Variants in DENND2B observed in about 807,000 individuals in gnomAD.
DENND2B encodes the protein DENN domain containing 2B, also known as DENN domain-containing protein 2B.
A neutral mutation model predicts 116.0 loss-of-function variants in DENND2B; 32 were observed. The ratio of observed to expected loss-of-function variants is 0.28; its 90% CI spans 0.21 to 0.37. DENND2B has a LOEUF of 0.37. Ranked by LOEUF, DENND2B falls within the 10% of genes least tolerant of loss-of-function variation. DENND2B has a pLI of 1.00. For missense variants in DENND2B, 1,276 were observed against 1,477.7 expected (o/e 0.86, Z 2.24); for synonymous variants, 588 against 583.9 (o/e 1.01, Z -0.10).
intron 6 of DENND2B, 69 bp from the exon 7 acceptor site, chr11:8,714,775 T>G: frequency 1.8e-5 from 24 of 1,330,506 alleles, no homozygotes; most frequent in Non-Finnish European, 2.6e-5. Context: ...GAAGGCTGAG[T>G]AGGAGCCCAT....
chr11:8,754,158 AT>A (rs2053191617), intron 1 of DENND2B, among the ~76,000 whole-genome samples: 1 of 152,202 alleles, frequency 6.6e-6, no homozygotes, highest in Admixed American at 6.6e-5. Context: ...AATGGGAGAA[AT>A]TTTTTGCAAA....
At chr11:8,869,076 AG>A (rs1217875295) in intron 2 of DENND2B, among the ~76,000 whole-genome samples, 1 of 152,238 alleles carries the variant, frequency 6.6e-6, no homozygotes, top group African/African-American at 2.4e-5. Context: ...GACCCCGGGA[AG>A]CCAAAAGATT....
At chr11:8,781,636 ACACAC>A (rs2058386107) in intron 1 of DENND2B, among the ~76,000 whole-genome samples, 1 of 152,118 alleles carries the variant, frequency 6.6e-6, no homozygotes, top group African/African-American at 2.4e-5. Context: ...ACACACACAC[ACACAC>A]ATAACCTCAC....
At chr11:8,711,952 C>T in intron 9 of DENND2B, 1 of 455,926 alleles carries the variant, frequency 2.2e-6, no homozygotes, top group Non-Finnish European at 4.4e-6. Context: ...TCTGGACAGA[C>T]CTCCTGAAAG....
In DENND2B at chr11:8,712,442, C is replaced by T. The variant is rs982841297; in HGVS notation, c.2172+109G>A. On this transcript the variant is annotated intron_variant, in intron 9 of 19. Transcript: ENST00000313726. The surrounding 1 kb of genome is among the most constrained non-coding windows in gnomAD (Gnocchi z 4.4). ...AGGCAGGTTCAGGGCTGTGGCAGCT[C>T]GGTGAGGACGTATGACGAACAAGAT... 6.3e-5 allele frequency: 80 copies of T among 1,267,480 alleles called. No individual in the cohort carries two copies. Among genetic ancestry groups the T allele is most frequent in the Non-Finnish European group, 7.7e-5 (72 of 931,906 alleles). 78.5% of individuals were successfully genotyped at this position (1,267,480 alleles called of 1,614,324 possible). A position where few individuals can be genotyped will look rare whatever the true frequency, so the allele number is the denominator to read the frequency against.
chr11:8,905,590 T>G (rs557768078), intron 1 of DENND2B, among the ~76,000 whole-genome samples: 1 of 152,172 alleles, frequency 6.6e-6, no homozygotes, highest in South Asian at 2.1e-4. Flanking sequence ...GTACTTCAAA[T>G]TACACCACTA....
In DENND2B at chr11:8,731,001, C is replaced by T. The variant is rs560823063; in HGVS notation, c.289G>A (p.Ala97Thr). 32 of 1,614,038 alleles carry T rather than the reference C, an allele frequency of 2.0e-5. 1 individual carries two copies. The South Asian group carries it at 3.0e-4, about 15-fold the overall frequency. Residue 97 changes from alanine to threonine, a missense_variant, in exon 3 of 20, where the codon GCC (alanine) becomes ACC (threonine). Ala to Thr is a moderately conservative substitution (Grantham distance 58). This residue lies in a region of DENND2B where 856 missense variants were observed against 846.6 expected (regional missense o/e 1.01). Coordinates refer to ENST00000313726, the MANE Select transcript of DENND2B (RefSeq NM_213618.2). ...TSPPTCPFKT[A>T]SFGYLDRSPS... The stretch of plus-strand genomic sequence containing the variant: ...CTTCTGTCCAAATAACCGAAGCTGG[C>T]GGTCTTGAAGGGACAGGTGGGTGGG...
At chr11:8,722,576 A>G (rs2046371285) in intron 4 of DENND2B, among the ~76,000 whole-genome samples, 1 of 151,912 alleles carries the variant, frequency 6.6e-6, no homozygotes, top group South Asian at 2.1e-4. Context: ...GGAGCTCCAA[A>G]CTCTCGGGCC....
intron 2 of DENND2B, among the ~76,000 whole-genome samples, chr11:8,749,160 C>A (rs2051862880): frequency 6.6e-6 from 1 of 152,188 alleles, no homozygotes; most frequent in South Asian, 2.1e-4. Context: ...TGACAAGAGC[C>A]CAACAACATG....
At chr11:8,764,684 A>C (rs2055302566) in intron 1 of DENND2B, among the ~76,000 whole-genome samples, 1 of 152,144 alleles carries the variant, frequency 6.6e-6, no homozygotes, top group African/African-American at 2.4e-5. Flanking sequence ...GAATTAGAAA[A>C]GGGGCTGGGC....
chr11:8,799,457 A>C (rs963814263), intron 1 of DENND2B, among the ~76,000 whole-genome samples: 3 of 152,088 alleles, frequency 2.0e-5, no homozygotes, highest in Non-Finnish European at 2.9e-5. Flanking sequence ...TACCAGCCAG[A>C]GTCCAAGCCA....
chr11:8,729,295 G>A (rs556825833), intron 3 of DENND2B, among the ~76,000 whole-genome samples: 2 of 152,264 alleles, frequency 1.3e-5, no homozygotes, highest in South Asian at 2.1e-4. Context: ...CCAAGTTACC[G>A]GGGAGACAGC....
intron 2 of DENND2B, among the ~76,000 whole-genome samples, chr11:8,867,204 C>A (rs906122306): frequency 2.6e-5 from 4 of 152,128 alleles, no homozygotes; most frequent in African/African-American, 9.7e-5. Flanking sequence ...GTATTCAAAG[C>A]GGCAGACTAA....
At chr11:8,779,258 A>G (rs2058083251) in intron 1 of DENND2B, among the ~76,000 whole-genome samples, 1 of 152,198 alleles carries the variant, frequency 6.6e-6, no homozygotes, top group African/African-American at 2.4e-5. Context: ...GAGACAGAAG[A>G]CTGTTTGAGA....
At chr11:8,733,199 C>G (rs2048397388) in intron 2 of DENND2B, among the ~76,000 whole-genome samples, 1 of 152,194 alleles carries the variant, frequency 6.6e-6, no homozygotes, top group South Asian at 2.1e-4. Flanking sequence ...TAGGGAGCGG[C>G]AGGGCAAGTC....
At chr11:8,711,962 G>C in intron 9 of DENND2B, 1 of 456,064 alleles carries the variant, frequency 2.2e-6, no homozygotes, top group Non-Finnish European at 4.4e-6. Context: ...CCTCCTGAAA[G>C]AGGTCCTACT....
At chr11:8,900,643 A>G (rs547060616) in intron 1 of DENND2B, among the ~76,000 whole-genome samples, 12 of 151,566 alleles carry the variant, frequency 7.9e-5, no homozygotes, top group Admixed American at 4.6e-4. Context: ...ATAAAGATGC[A>G]TATTCTAATT....
intron 2 of DENND2B, among the ~76,000 whole-genome samples, chr11:8,866,683 A>G (rs908232254): frequency 6.6e-6 from 1 of 152,240 alleles, no homozygotes; most frequent in African/African-American, 2.4e-5. Flanking sequence ...TAGAAGAACT[A>G]GGAAAACTGA....
intron 19 of DENND2B, 37 bp downstream of exon 19, chr11:8,695,426 G>C (rs1168734431): frequency 6.3e-7 from 1 of 1,580,540 alleles, no homozygotes; most frequent in South Asian, 1.1e-5. Flanking sequence ...CTTCCTTCTT[G>C]CTGAACATCT....
Sources: gnomAD v4.1 joint callset for allele counts (sites outside exome capture counted in the v4.1 genomes callset) on GRCh38, gnomAD v4.1.1 for gene constraint, gnomAD v4.1.1 regional missense constraint, Gnocchi (gnomAD v3.1) non-coding constraint, MANE v1.5 for transcripts, NCBI Gene and HGNC (gene_info 2026-07-23, HGNC 2026-07-21) for gene names.